Variants in SORCS1 observed in about 807,000 individuals in gnomAD.
SORCS1 encodes VPS10 domain-containing receptor SorCS1.
SORCS1 carries 60 observed loss-of-function variants against 146.1 expected under a neutral mutation model. The ratio of observed to expected loss-of-function variants is 0.41; its 90% CI spans 0.33 to 0.51. SORCS1 has a LOEUF of 0.51. Ranked by LOEUF, SORCS1 falls within the 20% of genes least tolerant of loss-of-function variation. The probability of loss-of-function intolerance (pLI) is 0.21; values close to 1 mark genes in which losing one functional copy is unlikely to be tolerated. For missense variants in SORCS1, 1,352 were observed against 1,487.6 expected, an observed-to-expected ratio of 0.91 and a Z score of 1.50; for synonymous variants, 637 against 584.0, an observed-to-expected ratio of 1.09 and a Z score of -1.31.
At chr10:106,865,002 C>G (rs913743545) in intron 2 of SORCS1, among the ~76,000 whole-genome samples, 1 of 152,104 alleles carries the variant, frequency 6.6e-6, no homozygotes, top group African/African-American at 2.4e-5. Context: ...AGACAGCTCC[C>G]AGAGGGAGGG....
At chr10:106,621,698 C>T (rs1465244573) in intron 19 of SORCS1, among the ~76,000 whole-genome samples, 1 of 151,962 alleles carries the variant, frequency 6.6e-6, no homozygotes, top group African/African-American at 2.4e-5. Flanking sequence ...GATTAACACT[C>T]ATATTCATCC....
chr10:106,743,071 G>A (rs759638224), intron 5 of SORCS1, among the ~76,000 whole-genome samples: 1 of 152,124 alleles, frequency 6.6e-6, no homozygotes, highest in Non-Finnish European at 1.5e-5. Flanking sequence ...TCTCATTTTG[G>A]GGTCTGTTTT....
At chr10:106,987,615 C>T (rs1956539203) in intron 1 of SORCS1, among the ~76,000 whole-genome samples, 1 of 152,158 alleles carries the variant, frequency 6.6e-6, no homozygotes, top group Non-Finnish European at 1.5e-5. Flanking sequence ...AACATAGTTC[C>T]CGCCTACTGA....
At chr10:107,108,908 G>A (rs751900545) in intron 1 of SORCS1, among the ~76,000 whole-genome samples, 11 of 152,290 alleles carry the variant, frequency 7.2e-5, no homozygotes, top group Non-Finnish European at 8.8e-5. Context: ...AAAGAAAGGG[G>A]CTACAGGCTT....
intron 1 of SORCS1, among the ~76,000 whole-genome samples, chr10:107,069,171 C>G (rs1188572656): frequency 6.6e-6 from 1 of 152,102 alleles, no homozygotes; most frequent in Admixed American, 6.6e-5. Context: ...GCAGCATCCT[C>G]CAGCTAAGGT....
chr10:106,667,444 T>C (rs1235688828), intron 17 of SORCS1: 2 of 452,868 alleles, frequency 4.4e-6, no homozygotes, highest in African/African-American at 3.9e-5. Flanking sequence ...ACTTTTAATA[T>C]CATCATTGTG....
chr10:106,981,786 T>C lies in SORCS1; in HGVS notation c.559-25206A>G, dbSNP rs1956255428. ...CTCCTCATCACATTGCCAAGGAGCA[T>C]ATAACAGACTGTTTTGTTGTTTGTT... On this transcript the variant is annotated intron_variant, in intron 1 of 25. Transcript: ENST00000263054. Among the ~76,000 whole-genome samples the C allele has an allele frequency of 2.0e-5, 3 of 152,166 alleles. 1 individual carries two copies. The highest frequency in any genetic ancestry group is 4.4e-5 in the Non-Finnish European group (3 of 68,028).
chr10:106,694,376 C>T (rs1224071465), intron 9 of SORCS1, among the ~76,000 whole-genome samples: 1 of 152,180 alleles, frequency 6.6e-6, no homozygotes, highest in Non-Finnish European at 1.5e-5. Flanking sequence ...TCTCCTGCCT[C>T]AGCCTCCCAA....
At chr10:107,136,101 A>G (rs933277799) in intron 1 of SORCS1, among the ~76,000 whole-genome samples, 4 of 152,152 alleles carry the variant, frequency 2.6e-5, no homozygotes, top group African/African-American at 9.7e-5. Context: ...GTTTAGTAGT[A>G]AAGAGTGCAG....
At chr10:106,710,432 G>GAAAAAAAA (rs33978828) in intron 6 of SORCS1, among the ~76,000 whole-genome samples, 10 of 126,832 alleles carry the variant, frequency 7.9e-5, no homozygotes, top group Admixed American at 8.3e-5. Context: ...TGGGTGACAG[G>GAAAAAAAA]AAAAAAAAAA....
intron 1 of SORCS1, among the ~76,000 whole-genome samples, chr10:107,005,367 G>T (rs1354035704): frequency 6.6e-6 from 1 of 151,936 alleles, no homozygotes; most frequent in Non-Finnish European, 1.5e-5. Flanking sequence ...AGAAAAAGCT[G>T]AACACTATGT....
intron 1 of SORCS1, among the ~76,000 whole-genome samples, chr10:106,982,840 T>G (rs1278758531): frequency 1.3e-5 from 2 of 152,130 alleles, no homozygotes; most frequent in African/African-American, 4.8e-5. Context: ...TCCCCTAGTG[T>G]TAATTTCTAA....
intron 3 of SORCS1, among the ~76,000 whole-genome samples, chr10:106,827,543 T>C (rs1217692152): frequency 6.6e-6 from 1 of 152,200 alleles, no homozygotes; most frequent in Non-Finnish European, 1.5e-5. Context: ...ATACAGTTTG[T>C]TGACTGTTAA....
intron 1 of SORCS1, among the ~76,000 whole-genome samples, chr10:107,137,098 C>T (rs1967368104): frequency 6.6e-6 from 1 of 152,168 alleles, no homozygotes; most frequent in Admixed American, 6.5e-5. Context: ...TCTTGGTTCC[C>T]ATAAGGGTAT....
intron 3 of SORCS1, among the ~76,000 whole-genome samples, chr10:106,821,114 G>A (rs1017204750): frequency 6.6e-6 from 1 of 152,156 alleles, no homozygotes; most frequent in African/African-American, 2.4e-5. Context: ...GCTTCCAAAA[G>A]GTTTCCTTTT....
At chr10:107,180,878 C>T in the SORCS1 span, among the ~76,000 whole-genome samples, 2 of 152,196 alleles carry the variant, frequency 1.3e-5, no homozygotes, top group Non-Finnish European at 2.9e-5. Flanking sequence ...AGGCTCTAGG[C>T]TATGTGGCAT....
At chr10:106,810,373 G>C (rs113138453) in intron 3 of SORCS1, among the ~76,000 whole-genome samples, 1 of 152,080 alleles carries the variant, frequency 6.6e-6, no homozygotes, top group South Asian at 2.1e-4. Flanking sequence ...TCCCAAATTT[G>C]TTTTTTAAAA....
chr10:107,015,075 C>T (rs979070808), intron 1 of SORCS1, among the ~76,000 whole-genome samples: 1 of 152,184 alleles, frequency 6.6e-6, no homozygotes, highest in African/African-American at 2.4e-5. Flanking sequence ...CAGCTACAAC[C>T]TTTCACCAGA....
chr10:107,065,069 G>A (rs1384130956), intron 1 of SORCS1, among the ~76,000 whole-genome samples: 5 of 152,114 alleles, frequency 3.3e-5, no homozygotes, highest in African/African-American at 4.8e-5. Flanking sequence ...GGTAGGAAAA[G>A]TATATAATTG....
Sources: allele counts gnomAD v4.1 joint callset (sites outside exome capture counted in the v4.1 genomes callset), GRCh38; gene constraint gnomAD v4.1.1; transcripts MANE v1.5; gene names NCBI Gene and HGNC (gene_info 2026-07-23, HGNC 2026-07-21).